Variants in NRG3 observed in about 807,000 individuals in gnomAD.
The protein encoded by NRG3 is pro-neuregulin-3, membrane-bound isoform.
In NRG3, 31 loss-of-function variants were observed where a neutral mutation model predicts 66.9. The ratio of observed to expected loss-of-function variants is 0.46; its 90% CI spans 0.35 to 0.63. The LOEUF (loss-of-function observed/expected upper bound fraction) is 0.63, where lower values mean the gene tolerates loss of function less well. Among genes scored for constraint, NRG3 ranks in the 20% least tolerant of loss-of-function variants. The pLI, the probability that NRG3 is intolerant of heterozygous loss-of-function variation, is 0.00. For missense variants in NRG3, 910 were observed against 878.9 expected, an observed-to-expected ratio of 1.04 and a Z score of -0.45; for synonymous variants, 393 against 359.4, an observed-to-expected ratio of 1.09 and a Z score of -1.06.
chr10:82,341,150 T>C (rs1454910930), intron 1 of NRG3, among the ~76,000 whole-genome samples: 2 of 152,048 alleles, frequency 1.3e-5, no homozygotes, highest in African/African-American at 4.8e-5. Context: ...TAAAAAATAT[T>C]TTTAACATTG....
At chr10:82,935,393 C>T (rs1231422937) in intron 4 of NRG3, among the ~76,000 whole-genome samples, 1 of 152,104 alleles carries the variant, frequency 6.6e-6, no homozygotes, top group Non-Finnish European at 1.5e-5. Flanking sequence ...CACAAGTACA[C>T]AAGGCTCTTT....
chr10:82,862,358 C>T (rs1003066602), intron 3 of NRG3, among the ~76,000 whole-genome samples: 1 of 152,138 alleles, frequency 6.6e-6, no homozygotes, highest in Non-Finnish European at 1.5e-5. Flanking sequence ...CCTCCAGTGT[C>T]CCACAGGCAT....
intron 4 of NRG3, among the ~76,000 whole-genome samples, chr10:82,928,663 T>C (rs1847255295): frequency 6.6e-6 from 1 of 151,722 alleles, no homozygotes; most frequent in African/African-American, 2.4e-5. Context: ...AGTAAATATC[T>C]AGGCTTTGTT....
At chr10:82,659,982 G>A (rs2052201321) in intron 2 of NRG3, among the ~76,000 whole-genome samples, 1 of 151,592 alleles carries the variant, frequency 6.6e-6, no homozygotes, top group African/African-American at 2.4e-5. Flanking sequence ...AATCGCCTGA[G>A]GTCAGGAGTT....
chr10:82,656,733 A>G (rs1447932116), intron 2 of NRG3, among the ~76,000 whole-genome samples: 1 of 152,188 alleles, frequency 6.6e-6, no homozygotes, highest in African/African-American at 2.4e-5. Flanking sequence ...CTCCATCAGC[A>G]GTCATGGAGG....
rs1795279795 is a variant in NRG3, at chr10:82,169,060, C to T, written c.824-189679C>T. Reference sequence around the variant, plus strand: ...TTTCATGATGAAGTTGACCTCAGTACTGTATTCAGCTTACCATCTTAATAC... The same window carrying T: ...TTTCATGATGAAGTTGACCTCAGTATTGTATTCAGCTTACCATCTTAATAC... On this transcript the variant is annotated intron_variant, in intron 1 of 8. Transcript: ENST00000372141. Among the ~76,000 whole-genome samples, 3 of 152,096 alleles carry T rather than the reference C, an allele frequency of 2.0e-5. No individual in the cohort carries two copies. The South Asian group carries it at 6.2e-4, about 31-fold the overall frequency.
At chr10:81,900,512 A>C (rs1248216838) in intron 1 of NRG3, among the ~76,000 whole-genome samples, 1 of 152,246 alleles carries the variant, frequency 6.6e-6, no homozygotes. Context: ...CCTGAGATTT[A>C]GATTCGCATA....
chr10:82,452,403 G>A (rs2091059884), intron 2 of NRG3, among the ~76,000 whole-genome samples: 1 of 152,180 alleles, frequency 6.6e-6, no homozygotes, highest in South Asian at 2.1e-4. Context: ...ACCTTGTAAT[G>A]TATAGAACAC....
intron 1 of NRG3, chr10:82,166,649 T>C (rs952584699): frequency 3.2e-5 from 13 of 401,678 alleles, no homozygotes; most frequent in Middle Eastern, 7.1e-4. Flanking sequence ...TATACACACA[T>C]ATATATGTAT....
intron 2 of NRG3, among the ~76,000 whole-genome samples, chr10:82,555,866 CCTG>C (rs2044615832): frequency 6.6e-6 from 1 of 152,140 alleles, no homozygotes; most frequent in South Asian, 2.1e-4. Context: ...TCATTTATTT[CCTG>C]CTACCACCCT....
chr10:82,463,011 C>A (rs2091592665), intron 2 of NRG3, among the ~76,000 whole-genome samples: 1 of 152,162 alleles, frequency 6.6e-6, no homozygotes, highest in African/African-American at 2.4e-5. Flanking sequence ...ATCTGTCCAC[C>A]TACTAGAAAG....
intron 2 of NRG3, among the ~76,000 whole-genome samples, chr10:82,412,539 C>T (rs1427008597): frequency 2.0e-5 from 3 of 152,104 alleles, no homozygotes; most frequent in Non-Finnish European, 2.9e-5. Flanking sequence ...TTGATGGCTG[C>T]TGACTGATCA....
intron 3 of NRG3, chr10:82,827,250 A>T (rs2135631602): frequency 2.8e-6 from 1 of 361,624 alleles, no homozygotes; most frequent in Non-Finnish European, 5.3e-6. Flanking sequence ...ACGTAGATTA[A>T]AAATCTAATT....
chr10:82,764,971 C>A (rs371947314), intron 3 of NRG3, among the ~76,000 whole-genome samples: 4 of 151,916 alleles, frequency 2.6e-5, no homozygotes, highest in African/African-American at 9.7e-5. Context: ...AATTATACTG[C>A]CTAGAACTCT....
At chr10:82,028,590 T>G (rs1419560046) in intron 1 of NRG3, among the ~76,000 whole-genome samples, 2 of 152,056 alleles carry the variant, frequency 1.3e-5, no homozygotes, top group South Asian at 2.1e-4. Flanking sequence ...TAGAAACGCT[T>G]TGGGCTTCTC....
At chr10:82,317,318 C>T (rs567164721) in intron 1 of NRG3, among the ~76,000 whole-genome samples, 2 of 151,612 alleles carry the variant, frequency 1.3e-5, no homozygotes, top group East Asian at 3.9e-4. Context: ...ATCTAAATGT[C>T]AGATCCAGGA....
At chr10:82,279,002 A>G (rs1022912087) in intron 1 of NRG3, among the ~76,000 whole-genome samples, 7 of 152,138 alleles carry the variant, frequency 4.6e-5, no homozygotes, top group Admixed American at 1.3e-4. Context: ...ACATGTTATT[A>G]CAGTCATTTC....
At chr10:82,765,385 G>A (rs1305202177) in intron 3 of NRG3, among the ~76,000 whole-genome samples, 8 of 152,046 alleles carry the variant, frequency 5.3e-5, no homozygotes, top group Non-Finnish European at 1.2e-4. Context: ...TGGATGGAAA[G>A]CATACTTACA....
intron 1 of NRG3, among the ~76,000 whole-genome samples, chr10:81,969,010 A>C (rs1200562610): frequency 6.6e-6 from 1 of 152,164 alleles, no homozygotes; most frequent in Non-Finnish European, 1.5e-5. Flanking sequence ...GGATAACCTG[A>C]GTTTCCTGTG....
Sources: allele counts gnomAD v4.1 joint callset (sites outside exome capture counted in the v4.1 genomes callset), GRCh38; gene constraint gnomAD v4.1.1; transcripts MANE v1.5; gene names NCBI Gene and HGNC (gene_info 2026-07-23, HGNC 2026-07-21).